Variants in ITCH observed in about 807,000 individuals in gnomAD.
ITCH encodes E3 ubiquitin-protein ligase Itchy homolog.
In ITCH, 28 loss-of-function variants were observed where a neutral mutation model predicts 126.8. The ratio of observed to expected loss-of-function variants is 0.22; its 90% CI spans 0.16 to 0.30. ITCH has a LOEUF of 0.30. ITCH is among the 10% of genes least tolerant of loss of function. ITCH has a pLI of 1.00. For synonymous variants in ITCH, 342 were observed against 340.0 expected (o/e 1.01, Z -0.06); for missense variants, 631 against 1,032.4 (o/e 0.61, Z 5.33).
At chr20:34,428,198 T>TA (rs1198539581) in intron 7 of ITCH, among the ~76,000 whole-genome samples, 4 of 152,234 alleles carry the variant, frequency 2.6e-5, no homozygotes, top group Non-Finnish European at 5.9e-5. Flanking sequence ...GTTTAAATGT[T>TA]ACTACACAAT....
chr20:34,412,033 A>G (rs1255825977), intron 4 of ITCH, among the ~76,000 whole-genome samples: 1 of 152,242 alleles, frequency 6.6e-6, no homozygotes, highest in Non-Finnish European at 1.5e-5. Context: ...TTCACATTAC[A>G]GTTCTGCTAC....
chr20:34,470,215 C>A, intron 15 of ITCH, 95 bp downstream of exon 15: 1 of 962,436 alleles, frequency 1.0e-6, no homozygotes, highest in Non-Finnish European at 1.7e-6. Context: ...CACAGAAAAA[C>A]AGGTAAAATG....
intron 8 of ITCH, 103 bp downstream of exon 8, chr20:34,438,734 A>AT (rs1320098168): frequency 7.2e-7 from 1 of 1,386,482 alleles, no homozygotes; most frequent in Non-Finnish European, 1.0e-6. Flanking sequence ...TTCTGCGTGT[A>AT]TTTTTACATT....
intron 2 of ITCH, among the ~76,000 whole-genome samples, chr20:34,377,363 G>GACC (rs2037885857): frequency 6.6e-6 from 1 of 151,912 alleles, no homozygotes; most frequent in South Asian, 2.1e-4. Flanking sequence ...GACAGAGCGA[G>GACC]ACCCTGTCTC....
chr20:34,383,081 G>GAAA (rs2038129723), intron 2 of ITCH, among the ~76,000 whole-genome samples: 1 of 151,864 alleles, frequency 6.6e-6, no homozygotes, highest in African/African-American at 2.4e-5. Context: ...CTACTTTGTT[G>GAAA]CTCAGCCGGG....
chr20:34,392,165 A>G (rs1226601824), intron 2 of ITCH, among the ~76,000 whole-genome samples: 3 of 152,208 alleles, frequency 2.0e-5, no homozygotes, highest in South Asian at 2.1e-4. Flanking sequence ...GTCCATAACA[A>G]GCCATTTGAA....
In ITCH at chr20:34,394,099, C is replaced by T. The variant is rs148852581; in HGVS notation, c.70+218C>T. ...TGGTGGTGCACACCTGCTGTCCCAGCTACTCCGGAGGCTGAGGCGTGAGAA... is the reference window on the plus strand; with the variant it reads ...TGGTGGTGCACACCTGCTGTCCCAGTTACTCCGGAGGCTGAGGCGTGAGAA... On this transcript the variant is annotated intron_variant, in intron 3 of 24. Transcript: ENST00000374864. Among the ~76,000 whole-genome samples the T allele has an allele frequency of 7.6e-3, 1,147 of 151,080 alleles. 18 individuals are homozygous for T. The highest frequency in any genetic ancestry group is 0.027 in the African/African-American group (1,103 of 41,108).
chr20:34,486,865 C>T (rs924952580), intron 20 of ITCH, among the ~76,000 whole-genome samples: 2 of 150,648 alleles, frequency 1.3e-5, no homozygotes, highest in African/African-American at 2.4e-5. Context: ...ACCCACATGA[C>T]GAGATGGGGT....
intron 10 of ITCH, among the ~76,000 whole-genome samples, chr20:34,443,628 G>T (rs1202594680): frequency 1.3e-5 from 2 of 152,084 alleles, no homozygotes; most frequent in African/African-American, 4.8e-5. Context: ...CCCTGAAAAG[G>T]TACTGTTTTA....
At chr20:34,400,296 CTGGCCTCAAGTGA>C (rs2038828970) in intron 3 of ITCH, among the ~76,000 whole-genome samples, 1 of 152,056 alleles carries the variant, frequency 6.6e-6, no homozygotes. Flanking sequence ...TCTTGAACTC[CTGGCCTCAAGTGA>C]TGCTCCCAGC....
At position 34,363,308 on chromosome 20, in the gene ITCH, C is replaced by G. The variant is rs1368028242; in HGVS notation, c.-140C>G. Reference sequence around the variant, plus strand: ...GTCGGGGCTCGGGACCGGCTGCCATCTTAGTCTAGGGACTGAGGAGTCGCC... The same window carrying G: ...GTCGGGGCTCGGGACCGGCTGCCATGTTAGTCTAGGGACTGAGGAGTCGCC... On this transcript the variant is annotated 5_prime_UTR_variant, in exon 1 of 25. It adds an upstream start codon to the 5' untranslated region. Transcript: ENST00000374864. 6.6e-6 allele frequency: 1 copy of G among 152,632 alleles called. No individual in the cohort carries two copies. The highest frequency in any genetic ancestry group is 2.4e-5 in the African/African-American group (1 of 41,472). The allele number at this position is 152,632 out of a possible 1,614,324, so 9.5% of individuals were successfully genotyped here. A position where few individuals can be genotyped will look rare whatever the true frequency, so the allele number is the denominator to read the frequency against.
chr20:34,370,964 C>G (rs560980282), intron 2 of ITCH, among the ~76,000 whole-genome samples: 2 of 151,802 alleles, frequency 1.3e-5, no homozygotes, highest in Admixed American at 6.6e-5. Context: ...GTCAGGAGAT[C>G]GAGACCATCC....
intron 1 of ITCH, among the ~76,000 whole-genome samples, chr20:34,368,503 C>T (rs1190328506): frequency 6.6e-6 from 1 of 151,808 alleles, no homozygotes; most frequent in Admixed American, 6.6e-5. Flanking sequence ...ACTTTTATGG[C>T]TGTAAATGAT....
At chr20:34,374,010 A>ATGTAGCTGGG (rs2037742386) in intron 2 of ITCH, among the ~76,000 whole-genome samples, 1 of 151,904 alleles carries the variant, frequency 6.6e-6, no homozygotes, top group Admixed American at 6.6e-5. Context: ...TCAGCCTCCC[A>ATGTAGCTGGG]TGTAGCTGGG....
chr20:34,477,054 C>G (rs1225512400), intron 16 of ITCH, among the ~76,000 whole-genome samples: 3 of 152,098 alleles, frequency 2.0e-5, no homozygotes, highest in Non-Finnish European at 4.4e-5. Context: ...AACTGGGTCT[C>G]TCTGCAGCTA....
chr20:34,393,922 C>A (rs749358410), intron 3 of ITCH, 41 bp downstream of exon 3: 13 of 1,550,930 alleles, frequency 8.4e-6, no homozygotes, highest in Non-Finnish European at 1.2e-5. Flanking sequence ...TTATTTTTCC[C>A]CGTATGATTA....
rs1041046540 is a variant in ITCH at position 34,509,965 on chromosome 20, T to C, written c.*2171T>C. 6.6e-6 allele frequency: 1 copy of C among 152,662 alleles called. No homozygotes were observed. The highest frequency in any genetic ancestry group is 2.4e-5 in the African/African-American group (1 of 41,468). 9.5% of individuals were successfully genotyped at this position (152,662 alleles called of 1,614,324 possible). A position where few individuals can be genotyped will look rare whatever the true frequency, so the allele number is the denominator to read the frequency against. ...TGATTCATTTAGGGACCTAGAAATA[T>C]TGTGTGAAAATATATAAATATCACC... On this transcript the variant is annotated 3_prime_UTR_variant, in exon 25 of 25. Coordinates refer to ENST00000374864, the MANE Select transcript of ITCH (RefSeq NM_031483.7).
intron 17 of ITCH, 58 bp from the exon 18 acceptor site, chr20:34,479,572 T>A (rs1988542426): frequency 6.9e-7 from 1 of 1,455,722 alleles, no homozygotes; most frequent in Non-Finnish European, 9.6e-7. Context: ...ATAGCACTGT[T>A]CTTTGATTTC....
At chr20:34,492,401 T>TA (rs1005672152) in intron 22 of ITCH, 100 bp from the exon 23 acceptor site, 92 of 811,670 alleles carry the variant, frequency 1.1e-4, no homozygotes, top group Middle Eastern at 1.1e-3. Context: ...ACCTCACCTC[T>TA]AAAAAAAATA....
Sources: allele counts gnomAD v4.1 joint callset (sites outside exome capture counted in the v4.1 genomes callset), GRCh38; gene constraint gnomAD v4.1.1; transcripts MANE v1.5; gene names NCBI Gene and HGNC (gene_info 2026-07-23, HGNC 2026-07-21).